Variants in BRIP1 observed in about 807,000 individuals in gnomAD.
The protein encoded by BRIP1 is BRCA1 interacting DNA helicase 1, also known as Fanconi anemia group J protein.
Under a neutral mutation model 119.7 loss-of-function variants are expected in BRIP1, and 88 were observed. That is an observed-to-expected ratio of 0.74 (90% CI 0.62 to 0.88). The LOEUF is 0.88. Ranked by LOEUF, BRIP1 falls within the 40% of genes least tolerant of loss-of-function variation. The pLI is 0.00. For missense variants in BRIP1, 1,259 were observed against 1,455.4 expected (o/e 0.87, Z 2.20); for synonymous variants, 443 against 496.5 (o/e 0.89, Z 1.43).
Position 61,822,037 on chromosome 17 carries a change from C to G in BRIP1, c.628-13280G>C, listed in dbSNP as rs1470896956. 1.3e-5 allele frequency among the ~76,000 whole-genome samples: 2 copies of G among 152,124 alleles called. No individual in the cohort carries two copies. Among genetic ancestry groups the G allele is most frequent in the African/African-American group, 4.8e-5 (2 of 41,428 alleles). ...AATTGTCAGAAGAATCAGTAATAGC[C>G]ACCAGTAAAAGAACTAAATGACAGA... On this transcript the variant is annotated intron_variant, in intron 6 of 19. Transcript: ENST00000259008. The surrounding 1 kb of genome is among the most constrained non-coding windows in gnomAD (Gnocchi z 4.4).
rs986734835 is a variant in BRIP1, at chr17:61,729,866, G to A, written c.2379+13147C>T. On this transcript the variant is annotated intron_variant, in intron 16 of 19. Coordinates refer to ENST00000259008, the MANE Select transcript of BRIP1 (RefSeq NM_032043.3). This position sits in a 1 kb window ranked among gnomAD's most constrained non-coding sequence, Gnocchi z 5.6. ...ACAACTGGTGGCAGGGTGACCGTGGGGGGTGTCTAGATCCCACTACCGGCA... is the reference window on the plus strand; with the variant it reads ...ACAACTGGTGGCAGGGTGACCGTGGAGGGTGTCTAGATCCCACTACCGGCA... 2.0e-5 allele frequency among the ~76,000 whole-genome samples: 3 copies of A among 152,170 alleles called. No individual in the cohort carries two copies. In the East Asian group the frequency reaches 5.8e-4, roughly 29 times the overall value.
At chr17:61,786,834 T>C (rs1312447888) in intron 10 of BRIP1, among the ~76,000 whole-genome samples, 1 of 127,858 alleles carries the variant, frequency 7.8e-6, no homozygotes, top group Non-Finnish European at 1.6e-5. Context: ...ATATTTTATA[T>C]AATATATTTA....
rs2077388139 is a variant in BRIP1, at chr17:61,767,364, A to G, written c.2097+9037T>C. On this transcript the variant is annotated intron_variant, in intron 14 of 19. Transcript: ENST00000259008. This position sits in a 1 kb window ranked among gnomAD's most constrained non-coding sequence, Gnocchi z 5.7. ...TGATCACAGCTCACTGCAGCCTCAA[A>G]CTTCTGGGCTCAAGCGATCCTCCCA... 6.6e-6 allele frequency among the ~76,000 whole-genome samples: 1 copy of G among 151,962 alleles called. No individual in the cohort carries two copies. Among genetic ancestry groups the G allele is most frequent in the Admixed American group, 6.6e-5 (1 of 15,232 alleles).
chr17:61,834,626 TG>T lies in BRIP1; in HGVS notation c.627+12474del, dbSNP rs1220249072. On this transcript the variant is annotated intron_variant, in intron 6 of 19. Coordinates refer to ENST00000259008, the MANE Select transcript of BRIP1 (RefSeq NM_032043.3). The surrounding 1 kb of genome is among the most constrained non-coding windows in gnomAD (Gnocchi z 4.4). ...TGGATTTGGTCATGTGATTTGCTTT[TG>T]GTGACTGGAACATTAGCAAACCTGA... Among the ~76,000 whole-genome samples the T allele has an allele frequency of 1.3e-5, 2 of 152,166 alleles. No homozygotes were observed. Among genetic ancestry groups the T allele is most frequent in the Non-Finnish European group, 2.9e-5 (2 of 68,022 alleles).
Position 61,701,470 on chromosome 17 carries a change from G to A in BRIP1, c.2493-7958C>T, listed in dbSNP as rs1278261926. On this transcript the variant is annotated intron_variant, in intron 17 of 19. Transcript: ENST00000259008. This position sits in a 1 kb window ranked among gnomAD's most constrained non-coding sequence, Gnocchi z 5.1. ...TGCCAAGAGTCTCTGCATATATTGGGGCATAATTTCAATCCTCAGCACTGT... is the reference window on the plus strand; with the variant it reads ...TGCCAAGAGTCTCTGCATATATTGGAGCATAATTTCAATCCTCAGCACTGT... 6.6e-6 allele frequency among the ~76,000 whole-genome samples: 1 copy of A among 152,060 alleles called. No individual in the cohort carries two copies. Among genetic ancestry groups the A allele is most frequent in the African/African-American group, 2.4e-5 (1 of 41,370 alleles).
At chr17:61,785,931 G>GC (rs1209747698) in intron 10 of BRIP1, among the ~76,000 whole-genome samples, 3 of 151,784 alleles carry the variant, frequency 2.0e-5, no homozygotes, top group Non-Finnish European at 2.9e-5. Flanking sequence ...GCTGGGTTGG[G>GC]GGGGGTAGAA....
intron 3 of BRIP1, among the ~76,000 whole-genome samples, chr17:61,858,235 G>A (rs1242953699): frequency 6.6e-6 from 1 of 151,980 alleles, no homozygotes; most frequent in South Asian, 2.1e-4. Context: ...TTTCCCATTT[G>A]TACCATATAA....
Position 61,697,222 on chromosome 17 carries a change from A to G in BRIP1, c.2493-3710T>C, listed in dbSNP as rs146248922. Among the ~76,000 whole-genome samples the G allele has an allele frequency of 2.4e-3, 364 of 150,914 alleles. 2 individuals are homozygous for G. The highest frequency in any genetic ancestry group is 8.4e-3 in the African/African-American group (345 of 41,102). ...CATGGTGGCAGGCACCTGTAATCCT[A>G]GCTACTCAGGAGGCTGAGACAGGAG... On this transcript the variant is annotated intron_variant, in intron 17 of 19. Coordinates refer to ENST00000259008, the MANE Select transcript of BRIP1 (RefSeq NM_032043.3).
chr17:61,725,805 A>G lies in BRIP1; in HGVS notation c.2380-9742T>C, dbSNP rs944377675. Reference sequence around the variant, plus strand: ...ACCAGGCTAATTAAAAAAAAAAATTATTTTAGAGACGCAGTCTCACTACAT... The same window carrying G: ...ACCAGGCTAATTAAAAAAAAAAATTGTTTTAGAGACGCAGTCTCACTACAT... On this transcript the variant is annotated intron_variant, in intron 16 of 19. Transcript: ENST00000259008. The surrounding 1 kb of genome is among the most constrained non-coding windows in gnomAD (Gnocchi z 5.3). 6.6e-6 allele frequency among the ~76,000 whole-genome samples: 1 copy of G among 151,784 alleles called. No homozygotes were observed. The highest frequency in any genetic ancestry group is 1.5e-5 in the Non-Finnish European group (1 of 67,918).
chr17:61,693,734 G>A lies in BRIP1; in HGVS notation c.2493-222C>T, dbSNP rs1325129468. On this transcript the variant is annotated intron_variant, in intron 17 of 19. Coordinates refer to ENST00000259008, the MANE Select transcript of BRIP1 (RefSeq NM_032043.3). This position sits in a 1 kb window ranked among gnomAD's most constrained non-coding sequence, Gnocchi z 4.2. ...AATACAGATAACTTGCATCCAAAAT[G>A]TTGTATTTTATTTTGCACTCAAGAA... Among the ~76,000 whole-genome samples, 2 of 151,934 alleles carry A rather than the reference G, an allele frequency of 1.3e-5. No individual in the cohort carries two copies. Among genetic ancestry groups the A allele is most frequent in the African/African-American group, 4.8e-5 (2 of 41,370 alleles).
rs876660937 is a variant in BRIP1, at chr17:61,849,129, C to T, written c.507G>A (p.Gln169=). The change falls in exon 5 of 20, where the codon CAG becomes CAA. Residue 169 remains glutamine (Q), a splice_region_variant and synonymous_variant. Coordinates refer to ENST00000259008, the MANE Select transcript of BRIP1 (RefSeq NM_032043.3). ...TTTACTGCCAATAAACTCTGTTTAC[C>T]TGCTGTGTAGTTTCTAAGGGTCGAA... The part of the protein sequence containing the change: ...KRIRPLETTQ[Q]IRKRHCFGTE... 1 of 1,613,518 alleles carries T rather than the reference C, an allele frequency of 6.2e-7. No individual in the cohort carries two copies. Among genetic ancestry groups the T allele is most frequent in the Non-Finnish European group, 8.5e-7 (1 of 1,179,702 alleles).
In BRIP1 at chr17:61,801,365, A is replaced by T; in HGVS notation, c.1028T>A (p.Leu343Gln). The T allele has an allele frequency of 6.2e-7, 1 of 1,614,010 alleles. No individual in the cohort carries two copies. Among genetic ancestry groups the T allele is most frequent in the East Asian group, 2.2e-5 (1 of 44,870 alleles). ...KAWDIEELVS[L>Q]GKKLKACPYY... ...TGGACAGGCCTTTAGTTTCTTCCCC[A>T]GGCTGACAAGTTCTTCTATATCCCA... Residue 343 changes from leucine (L) to glutamine (Q), a missense_variant, in exon 8 of 20, where the codon CTG becomes CAG. This residue lies in a region of BRIP1 where 501 missense variants were observed against 544.0 expected (regional missense o/e 0.92). Coordinates refer to ENST00000259008, the MANE Select transcript of BRIP1 (RefSeq NM_032043.3).
rs1361823602 is a variant in BRIP1, at chr17:61,780,740, C to T, written c.1794+100G>A. On this transcript the variant is annotated intron_variant, in intron 12 of 19. Coordinates refer to ENST00000259008, the MANE Select transcript of BRIP1 (RefSeq NM_032043.3). This position sits in a 1 kb window ranked among gnomAD's most constrained non-coding sequence, Gnocchi z 5.4. ...AGACCCTGCCTCAAAACAACAACAACAACAACAACAAACAACTATCTTTAA... is the reference window on the plus strand; with the variant it reads ...AGACCCTGCCTCAAAACAACAACAATAACAACAACAAACAACTATCTTTAA... 1 of 1,406,978 alleles carries T rather than the reference C, an allele frequency of 7.1e-7. No homozygotes were observed. The highest frequency in any genetic ancestry group is 1.0e-6 in the Non-Finnish European group (1 of 996,954). 87.2% of individuals were successfully genotyped at this position (1,406,978 alleles called of 1,614,324 possible). A position where few individuals can be genotyped will look rare whatever the true frequency, so the allele number is the denominator to read the frequency against.
chr17:61,713,140 T>C lies in BRIP1; in HGVS notation c.2492+2811A>G, dbSNP rs909280295. ...TAGCACAATGCATTACAAGTGCTTG[T>C]GGCGATGCTGGTGTAAACAAACCTA... On this transcript the variant is annotated intron_variant, in intron 17 of 19. Transcript: ENST00000259008. This position sits in a 1 kb window ranked among gnomAD's most constrained non-coding sequence, Gnocchi z 4.9. 6.6e-6 allele frequency among the ~76,000 whole-genome samples: 1 copy of C among 152,172 alleles called. No homozygotes were observed. The highest frequency in any genetic ancestry group is 2.4e-5 in the African/African-American group (1 of 41,424).
chr17:61,720,360 A>G lies in BRIP1; in HGVS notation c.2380-4297T>C, dbSNP rs2061953632. Among the ~76,000 whole-genome samples the G allele has an allele frequency of 6.6e-6, 1 of 152,174 alleles. No homozygotes were observed. The highest frequency in any genetic ancestry group is 1.5e-5 in the Non-Finnish European group (1 of 68,024). On this transcript the variant is annotated intron_variant, in intron 16 of 19. Transcript: ENST00000259008. This position sits in a 1 kb window ranked among gnomAD's most constrained non-coding sequence, Gnocchi z 4.3. ...ACATCATATGTATCAAAACATCACTATGTACCCTATGAATATGTACAATAA... is the reference window on the plus strand; with the variant it reads ...ACATCATATGTATCAAAACATCACTGTGTACCCTATGAATATGTACAATAA...
chr17:61,718,618 C>A (rs146128976), intron 16 of BRIP1, among the ~76,000 whole-genome samples: 1 of 152,222 alleles, frequency 6.6e-6, no homozygotes, highest in East Asian at 1.9e-4. Flanking sequence ...CTAGCTGCCA[C>A]GGACTTTCCC....
chr17:61,693,312 T>G lies in BRIP1; in HGVS notation c.2575+118A>C. On this transcript the variant is annotated intron_variant, in intron 18 of 19. Coordinates refer to ENST00000259008, the MANE Select transcript of BRIP1 (RefSeq NM_032043.3). The surrounding 1 kb of genome is among the most constrained non-coding windows in gnomAD (Gnocchi z 4.2). ...TGCTGTGAAATACTGTGCTTATAGT[T>G]AACAATATTGTACTGTGCACTTAAT... 2.1e-6 allele frequency: 2 copies of G among 930,724 alleles called. No individual in the cohort carries two copies. Among genetic ancestry groups the G allele is most frequent in the Non-Finnish European group, 3.4e-6 (2 of 580,298 alleles). 57.7% of individuals were successfully genotyped at this position (930,724 alleles called of 1,614,324 possible).
rs150734209 is a variant in BRIP1, at chr17:61,803,264, T to C, written c.919-1790A>G. Among the ~76,000 whole-genome samples, 1 of 152,156 alleles carries C rather than the reference T, an allele frequency of 6.6e-6. No homozygotes were observed. The highest frequency in any genetic ancestry group is 6.5e-5 in the Admixed American group (1 of 15,272). On this transcript the variant is annotated intron_variant, in intron 7 of 19. Transcript: ENST00000259008. The surrounding 1 kb of genome is among the most constrained non-coding windows in gnomAD (Gnocchi z 4.3). ...GCATCACCACATATGGCTCCTTTTT[T>C]GTAGAGACAGGGTTTTGTCATGTTG...
rs2076824498 is a variant in BRIP1, at chr17:61,730,090, T to G, written c.2379+12923A>C. On this transcript the variant is annotated intron_variant, in intron 16 of 19. Coordinates refer to ENST00000259008, the MANE Select transcript of BRIP1 (RefSeq NM_032043.3). The surrounding 1 kb of genome is among the most constrained non-coding windows in gnomAD (Gnocchi z 4.3). ...GAGTTATTTGTATAGCTTACTATAG[T>G]CACTGACGCACTGGGGTGATGTGTC... Among the ~76,000 whole-genome samples the G allele has an allele frequency of 6.6e-6, 1 of 152,232 alleles. No individual in the cohort carries two copies. The highest frequency in any genetic ancestry group is 2.1e-4 in the South Asian group (1 of 4,834).
Sources: allele counts gnomAD v4.1 joint callset (sites outside exome capture counted in the v4.1 genomes callset), GRCh38; gene constraint gnomAD v4.1.1; regional missense constraint gnomAD v4.1.1; non-coding constraint Gnocchi (gnomAD v3.1); transcripts MANE v1.5; gene names NCBI Gene and HGNC (gene_info 2026-07-23, HGNC 2026-07-21).